The following ABLIM3 variants were observed in gnomAD, a reference collection of about 807,000 sequenced individuals.
ABLIM3 encodes actin binding LIM protein family member 3.
A neutral mutation model predicts 109.5 loss-of-function variants in ABLIM3; 61 were observed. The ratio of observed to expected loss-of-function variants is 0.56; its 90% CI spans 0.45 to 0.69. The LOEUF (loss-of-function observed/expected upper bound fraction) is 0.69. Among genes scored for constraint, ABLIM3 ranks in the 30% least tolerant of loss-of-function variants. The pLI is 0.00. For synonymous variants in ABLIM3, 300 were observed against 324.8 expected (o/e 0.92, Z 0.82); for missense variants, 796 against 889.5 (o/e 0.89, Z 1.34).
chr5:149,246,069 A>G (rs1753328773), intron 16 of ABLIM3, among the ~76,000 whole-genome samples: 1 of 152,192 alleles, frequency 6.6e-6, no homozygotes, highest in Non-Finnish European at 1.5e-5. Flanking sequence ...AGCCTGAGGC[A>G]GGAGGATCCC....
intron 6 of ABLIM3, among the ~76,000 whole-genome samples, chr5:149,207,557 G>A (rs1049226312): frequency 2.2e-4 from 33 of 152,248 alleles, no homozygotes; most frequent in African/African-American, 7.7e-4. Flanking sequence ...CTTTAATTAT[G>A]TAGAAGGAAC....
In ABLIM3 at chr5:149,198,971, G is replaced by A. The variant is rs761181034; in HGVS notation, c.335+569G>A. 9 of 438,052 alleles carry A rather than the reference G, an allele frequency of 2.1e-5. No homozygotes were observed. The highest frequency in any genetic ancestry group is 4.2e-5 in the Non-Finnish European group (9 of 216,420). 27.1% of individuals were successfully genotyped at this position (438,052 alleles called of 1,614,324 possible). Reference sequence around the variant, plus strand: ...GATGATGCAAAGGCATTAGCTCAGTGATCAGTATGTGAGAGTGTCTGTTTT... The same window carrying A: ...GATGATGCAAAGGCATTAGCTCAGTAATCAGTATGTGAGAGTGTCTGTTTT... On this transcript the variant is annotated intron_variant, in intron 4 of 23. Coordinates refer to ENST00000309868, the MANE Select transcript of ABLIM3 (RefSeq NM_014945.5). This position sits in a 1 kb window ranked among gnomAD's most constrained non-coding sequence, Gnocchi z 4.2.
At chr5:149,217,164 T>C in intron 8 of ABLIM3, 118 bp downstream of exon 8, 1 of 1,023,742 alleles carries the variant, frequency 9.8e-7, no homozygotes, top group Non-Finnish European at 1.5e-6. Context: ...GGCTTTTGCC[T>C]TGTCCTCAGA....
chr5:149,226,743 A>G (rs144896826), intron 8 of ABLIM3, among the ~76,000 whole-genome samples: 2 of 152,286 alleles, frequency 1.3e-5, no homozygotes, highest in East Asian at 1.9e-4. Flanking sequence ...ATTCTAGAAG[A>G]CTATGATACC....
intron 8 of ABLIM3, among the ~76,000 whole-genome samples, chr5:149,225,385 G>A (rs1233411626): frequency 6.6e-6 from 1 of 152,070 alleles, no homozygotes; most frequent in Non-Finnish European, 1.5e-5. Flanking sequence ...ATTTTGTATA[G>A]CTCTTACAGA....
chr5:149,234,441 C>T (rs1206997638), intron 10 of ABLIM3, among the ~76,000 whole-genome samples: 1 of 152,184 alleles, frequency 6.6e-6, no homozygotes, highest in Non-Finnish European at 1.5e-5. Flanking sequence ...ACCAGCCAGC[C>T]CTGGCCCTGT....
intron 10 of ABLIM3, 28 bp from the exon 11 acceptor site, chr5:149,237,420 C>A (rs771005337): frequency 6.2e-7 from 1 of 1,608,180 alleles, no homozygotes; most frequent in African/African-American, 1.3e-5. Flanking sequence ...CTTTCTATTC[C>A]TTTCCTGTCC....
At chr5:149,142,529 G>A (rs1752565837) in intron 2 of ABLIM3, among the ~76,000 whole-genome samples, 1 of 152,148 alleles carries the variant, frequency 6.6e-6, no homozygotes, top group Non-Finnish European at 1.5e-5. Context: ...AGGGTAGGTG[G>A]GTGTGGGCAG....
chr5:149,155,516 C>T (rs1401775966), intron 2 of ABLIM3, among the ~76,000 whole-genome samples: 1 of 152,154 alleles, frequency 6.6e-6, no homozygotes, highest in East Asian at 1.9e-4. Context: ...GGCCAAATTC[C>T]TCTGGAAGGC....
rs372039116 is a variant in ABLIM3 at position 149,228,247 on chromosome 5, A to G, written c.758-2402A>G. The stretch of plus-strand genomic sequence containing the variant: ...AGTCCTAGTTCTACAAAACAAATGA[A>G]TGCCTCTTCCTACAGAGAGTCATTA... On this transcript the variant is annotated intron_variant, in intron 8 of 23. Transcript: ENST00000309868. 9.3e-4 allele frequency among the ~76,000 whole-genome samples: 142 copies of G among 152,318 alleles called. 5 individuals are homozygous for G. The South Asian group carries it at 0.024, about 26-fold the overall frequency.
At chr5:149,234,607 A>G (rs1325963802) in intron 10 of ABLIM3, among the ~76,000 whole-genome samples, 2 of 152,228 alleles carry the variant, frequency 1.3e-5, no homozygotes, top group Non-Finnish European at 1.5e-5. Context: ...CTGAAATTTC[A>G]ATATGGGTCA....
intron 3 of ABLIM3, among the ~76,000 whole-genome samples, chr5:149,193,412 AG>A (rs1407854816): frequency 6.6e-6 from 1 of 152,032 alleles, no homozygotes; most frequent in Non-Finnish European, 1.5e-5. Context: ...AAGTTGTATA[AG>A]ATAAAAATTA....
In ABLIM3 at chr5:149,247,880, C is replaced by T. The variant is rs1753540413; in HGVS notation, c.1650C>T (p.Ser550=). The part of the protein sequence containing the change: ...DPWTPPRSST[S]SREALHTAGY... ...GGACCCCTCCCCGGAGCTCCACCAG[C>T]AGCCGGGAAGCCCTGCACACAGCTG... Residue 550 remains serine, a synonymous_variant, in exon 18 of 24, where the codon AGC becomes AGT. Transcript: ENST00000309868. The T allele has an allele frequency of 6.2e-7, 1 of 1,614,108 alleles. No individual in the cohort carries two copies.
chr5:149,198,476 A>G lies in ABLIM3; in HGVS notation c.335+74A>G. ...GGCAGGGGAAGACCTGGCTTTTTCC[A>G]GGAAGTTCTGGGGTTTACAAGGTTT... On this transcript the variant is annotated intron_variant, in intron 4 of 23. Transcript: ENST00000309868. The surrounding 1 kb of genome is among the most constrained non-coding windows in gnomAD (Gnocchi z 4.2). 6.7e-7 allele frequency: 1 copy of G among 1,481,504 alleles called. No individual in the cohort carries two copies. The highest frequency in any genetic ancestry group is 9.0e-7 in the Non-Finnish European group (1 of 1,114,966). The allele number at this position is 1,481,504 out of a possible 1,614,324, so 91.8% of individuals were successfully genotyped here.
chr5:149,177,748 A>T (rs892807986), intron 2 of ABLIM3, among the ~76,000 whole-genome samples: 19 of 152,374 alleles, frequency 1.2e-4, no homozygotes, highest in African/African-American at 4.6e-4. Flanking sequence ...TGGGTAGCTG[A>T]TAGGGGTGAT....
At chr5:149,173,403 T>A (rs1004886785) in intron 2 of ABLIM3, among the ~76,000 whole-genome samples, 1 of 152,214 alleles carries the variant, frequency 6.6e-6, no homozygotes, top group Non-Finnish European at 1.5e-5. Flanking sequence ...CATTTTGGCC[T>A]GACCTCAGGC....
chr5:149,176,040 G>C (rs1024308100), intron 2 of ABLIM3, among the ~76,000 whole-genome samples: 2 of 152,202 alleles, frequency 1.3e-5, no homozygotes, highest in Admixed American at 1.3e-4. Flanking sequence ...CTGACCTGCT[G>C]ACATGGGAAA....
chr5:149,237,810 A>G (rs901929884), intron 11 of ABLIM3, among the ~76,000 whole-genome samples: 3 of 152,148 alleles, frequency 2.0e-5, no homozygotes, highest in Non-Finnish European at 4.4e-5. Flanking sequence ...CGACAACCTT[A>G]AACCTACATT....
At chr5:149,162,934 G>A (rs1257284803) in intron 2 of ABLIM3, among the ~76,000 whole-genome samples, 1 of 152,186 alleles carries the variant, frequency 6.6e-6, no homozygotes, top group Non-Finnish European at 1.5e-5. Flanking sequence ...GTTTTGGAGT[G>A]GGAATCTCCC....
Sources: allele counts gnomAD v4.1 joint callset (sites outside exome capture counted in the v4.1 genomes callset), GRCh38; gene constraint gnomAD v4.1.1; non-coding constraint Gnocchi (gnomAD v3.1); transcripts MANE v1.5; gene names NCBI Gene and HGNC (gene_info 2026-07-23, HGNC 2026-07-21).